SCML1: variants seen among roughly 807,000 people sequenced by gnomAD.
SCML1 encodes the protein sex comb on midleg-like protein 1.
For synonymous variants in SCML1, 104 were observed against 103.6 expected, an observed-to-expected ratio of 1.00 and a Z score of -0.02; for missense variants, 137 against 258.1, an observed-to-expected ratio of 0.53 and a Z score of 3.22.
chrX:17,749,291 C>G (rs980954548), intron 4 of SCML1, 109 bp from the exon 5 acceptor site: 1 of 485,163 alleles, frequency 2.1e-6, no homozygotes, highest in Non-Finnish European at 3.3e-6. Flanking sequence ...TTTGTTGTGT[C>G]TAGCAGTTAA....
chrX:17,750,225 G>T lies in SCML1; in HGVS notation c.635G>T (p.Gly212Val). ...TYGSSSGLCLGNPRADSIHNT... is the reference protein window; with the variant it reads ...TYGSSSGLCLVNPRADSIHNT... ...GGTTCTTCTTCAGGGCTCTGCCTTG[G>T]CAACCCTCGGGCTGACAGCATCCAC... is the stretch of plus-strand genomic sequence containing the variant. The change falls in exon 6 of 8, where the codon GGC (glycine) becomes GTC (valine). Residue 212 changes from glycine (G) to valine (V), a missense_variant. Gly to Val is a moderately radical substitution (Grantham distance 109). Transcript: ENST00000380041. 8.3e-7 allele frequency: 1 copy of T among 1,211,637 alleles called. No homozygotes were observed. Among genetic ancestry groups the T allele is most frequent in the Non-Finnish European group, 1.1e-6 (1 of 895,370 alleles).
chrX:17,748,298 G>A (rs2066663218), intron 4 of SCML1, among the ~76,000 whole-genome samples: 1 of 111,642 alleles, frequency 9.0e-6, no homozygotes, highest in Admixed American at 9.5e-5. Flanking sequence ...CAACTTCCCA[G>A]GCTCAGGTGA....
At chrX:17,753,162 T>C in intron 7 of SCML1, 96 bp from the exon 8 acceptor site, 1 of 648,644 alleles carries the variant, frequency 1.5e-6, no homozygotes, top group Non-Finnish European at 2.2e-6. Context: ...AATGAGCTGC[T>C]CTCTAGTTTG....
chrX:17,743,270 A>G (rs2066613849), intron 1 of SCML1, among the ~76,000 whole-genome samples: 1 of 111,637 alleles, frequency 9.0e-6, no homozygotes, highest in Admixed American at 9.6e-5. Context: ...CCACTATAGA[A>G]TGAAAGGGAA....
In SCML1 at chrX:17,749,467, T is replaced by G. The variant is rs2147178046; in HGVS notation, c.266T>G (p.Ile89Ser). Reference protein sequence around the residue: ...IDVIRRKVSKIQRFHARSLWT... With the variant: ...IDVIRRKVSKSQRFHARSLWT... ...GTGATTCGTAGAAAGGTTTCAAAAATCCAACGTTTCCATGCGAGATCCCTG... is the reference window on the plus strand; with the variant it reads ...GTGATTCGTAGAAAGGTTTCAAAAAGCCAACGTTTCCATGCGAGATCCCTG... Residue 89 changes from isoleucine to serine, a missense_variant, in exon 5 of 8, where the codon ATC (isoleucine) becomes AGC (serine). Physicochemically the swap from Ile to Ser is moderately radical, Grantham distance 142. Transcript: ENST00000380041. 1 of 1,190,047 alleles carries G rather than the reference T, an allele frequency of 8.4e-7. No individual in the cohort carries two copies. The highest frequency in any genetic ancestry group is 1.8e-5 in the African/African-American group (1 of 56,876).
In SCML1 at chrX:17,744,140, A is replaced by T. The variant is rs1432031328; in HGVS notation, c.-47A>T. Reference sequence around the variant, plus strand: ...TAAACCCTCCAGCAAGTTTAAAAATAATTAGGTCCAACTCAGAGGAAGTGG... The same window carrying T: ...TAAACCCTCCAGCAAGTTTAAAAATTATTAGGTCCAACTCAGAGGAAGTGG... On this transcript the variant is annotated 5_prime_UTR_variant, in exon 2 of 8. Coordinates refer to ENST00000380041, the MANE Select transcript of SCML1 (RefSeq NM_001037540.3). The T allele has an allele frequency of 2.0e-5, 22 of 1,119,331 alleles. No individual in the cohort carries two copies. The highest frequency in any genetic ancestry group is 2.7e-5 in the Non-Finnish European group (22 of 813,786). 92.2% of individuals were successfully genotyped at this position (1,119,331 alleles called of 1,213,427 possible).
At position 17,738,636 on chromosome X, in the gene SCML1, G is replaced by A. The variant is rs543050661; in HGVS notation, c.-117+956G>A. 8.1e-4 allele frequency among the ~76,000 whole-genome samples: 90 copies of A among 111,732 alleles called. 2 individuals are homozygous for A. In the South Asian group the frequency reaches 0.033, roughly 41 times the overall value. The stretch of plus-strand genomic sequence containing the variant: ...GTGTTCCTCAAAGTGGTCCCGGTGG[G>A]AGTGGCGCCTCATTGTGAGCTGTGC... On this transcript the variant is annotated intron_variant, in intron 1 of 7. Transcript: ENST00000380041.
chrX:17,743,856 T>G, intron 1 of SCML1: 2 of 188,252 alleles, frequency 1.1e-5, no homozygotes, highest in Non-Finnish European at 9.7e-6. Flanking sequence ...CAGTTTGTAA[T>G]TGTGTTTGAT....
intron 5 of SCML1, 62 bp from the exon 6 acceptor site, chrX:17,749,832 G>A: frequency 1.0e-6 from 1 of 1,004,391 alleles, no homozygotes. Flanking sequence ...TAATGTATTT[G>A]CTACTAATTT....
At chrX:17,740,482 A>G (rs1355942119) in intron 1 of SCML1, among the ~76,000 whole-genome samples, 1 of 110,014 alleles carries the variant, frequency 9.1e-6, no homozygotes, top group Non-Finnish European at 1.9e-5. Flanking sequence ...GGTATGTGCT[A>G]TTATCATTCC....
chrX:17,738,202 G>A (rs772735309), intron 1 of SCML1, among the ~76,000 whole-genome samples: 78 of 112,321 alleles, frequency 6.9e-4, no homozygotes, highest in African/African-American at 1.9e-3. Flanking sequence ...GGTGTTGGGA[G>A]CAGAGGCGGG....
chrX:17,739,867 A>G (rs1037422742), intron 1 of SCML1, among the ~76,000 whole-genome samples: 20 of 104,584 alleles, frequency 1.9e-4, no homozygotes, highest in East Asian at 9.7e-4. Context: ...AAAAAAAAAA[A>G]AAAGAAATTT....
chrX:17,754,215 G>T lies in SCML1; in HGVS notation c.*823G>T, dbSNP rs2066741491. On this transcript the variant is annotated 3_prime_UTR_variant, in exon 8 of 8. Coordinates refer to ENST00000380041, the MANE Select transcript of SCML1 (RefSeq NM_001037540.3). ...GTCCAAACTTTTAAAAGGCATAACT[G>T]TATTTTATGTGTTTATTCTTTATAT... 2 of 111,516 alleles carry T rather than the reference G, an allele frequency of 1.8e-5. No individual in the cohort carries two copies. The highest frequency in any genetic ancestry group is 1.9e-5 in the Non-Finnish European group (1 of 53,018). 9.2% of individuals were successfully genotyped at this position (111,516 alleles called of 1,213,427 possible).
At chrX:17,745,291 A>C (rs1170967631) in intron 2 of SCML1, 165 bp from the exon 3 acceptor site, 1 of 416,617 alleles carries the variant, frequency 2.4e-6, no homozygotes, top group Non-Finnish European at 4.2e-6. Flanking sequence ...ACAGTTCTGC[A>C]AATACATCTT....
At chrX:17,745,980 C>A (rs753642563) in intron 3 of SCML1, 38 bp from the exon 4 acceptor site, 4 of 930,588 alleles carry the variant, frequency 4.3e-6, no homozygotes, top group African/African-American at 1.9e-5. Flanking sequence ...TTGGCTGTTA[C>A]AGAAATAAAT....
rs370037287 is a variant in SCML1 at position 17,753,415 on chromosome X, A to G, written c.*23A>G. 7.2e-6 allele frequency: 8 copies of G among 1,107,281 alleles called. No individual in the cohort carries two copies. The African/African-American group carries it at 1.1e-4, about 15-fold the overall frequency. 91.3% of individuals were successfully genotyped at this position (1,107,281 alleles called of 1,213,427 possible). A position where few individuals can be genotyped will look rare whatever the true frequency, so the allele number is the denominator to read the frequency against. ...TGAAAAAATCCTTGTGCAAATTTAG[A>G]TTGGGCCAACTTCTAGAGGCACCAA... On this transcript the variant is annotated 3_prime_UTR_variant, in exon 8 of 8. Coordinates refer to ENST00000380041, the MANE Select transcript of SCML1 (RefSeq NM_001037540.3).
intron 5 of SCML1, 40 bp downstream of exon 5, chrX:17,749,544 C>A: frequency 3.4e-6 from 3 of 871,989 alleles, no homozygotes; most frequent in Non-Finnish European, 3.3e-6. Context: ...TGTGATAAAC[C>A]TCTGGTTTGT....
At chrX:17,745,326 T>A in intron 2 of SCML1, 130 bp from the exon 3 acceptor site, 1 of 459,425 alleles carries the variant, frequency 2.2e-6, no homozygotes, top group South Asian at 3.3e-5. Flanking sequence ...GTATTTACAG[T>A]GAGCAAAGGT....
chrX:17,745,132 A>G, intron 2 of SCML1: 1 of 151,707 alleles, frequency 6.6e-6, no homozygotes, highest in Non-Finnish European at 1.3e-5. Context: ...ATCAAAAAAC[A>G]TGTAACATTT....
Sources: allele counts gnomAD v4.1 joint callset (sites outside exome capture counted in the v4.1 genomes callset), GRCh38; gene constraint gnomAD v4.1.1; transcripts MANE v1.5; gene names NCBI Gene and HGNC (gene_info 2026-07-23, HGNC 2026-07-21).